The following SPATA31F1 variants were observed in gnomAD, a reference collection of about 807,000 sequenced individuals.
SPATA31F1 encodes protein SPATA31F1.
At chr9:34,728,796 G>T in the SPATA31F1 span, 1 of 800,344 alleles carries the variant, frequency 1.2e-6, no homozygotes, top group Non-Finnish European at 2.0e-6. Context: ...GACTTCCTTT[G>T]CCTATTCCAC....
chr9:34,727,069 C>G, the SPATA31F1 span: 2 of 1,480,212 alleles, frequency 1.4e-6, no homozygotes, highest in Non-Finnish European at 1.8e-6. Context: ...TGGGCACTCT[C>G]CTTTCCCAGT....
At chr9:34,728,501 T>C in the SPATA31F1 span, 5 of 1,044,986 alleles carry the variant, frequency 4.8e-6, no homozygotes, top group Non-Finnish European at 7.1e-6. Context: ...GGAACTGGAG[T>C]CTTCAGTGGC....
At chr9:34,723,421 G>A in the SPATA31F1 span, 1 of 1,551,758 alleles carries the variant, frequency 6.4e-7, no homozygotes, top group South Asian at 1.2e-5. Flanking sequence ...ATTGGGCCTT[G>A]GAGCACCCTG....
chr9:34,726,790 A>T, the SPATA31F1 span: 2 of 1,551,746 alleles, frequency 1.3e-6, no homozygotes, highest in East Asian at 2.4e-5. Flanking sequence ...CCAGACTCTG[A>T]TCTAAAGACA....
chr9:34,726,584 G>A, the SPATA31F1 span: 2 of 1,551,904 alleles, frequency 1.3e-6, no homozygotes, highest in South Asian at 1.2e-5. Flanking sequence ...AGAAGCTATG[G>A]TGTTTGGGCC....
chr9:34,726,704 T>G, the SPATA31F1 span: 3 of 1,551,666 alleles, frequency 1.9e-6, no homozygotes, highest in African/African-American at 2.7e-5. Flanking sequence ...GGTTAAAGAT[T>G]TCTGATCTGT....
At chr9:34,726,459 G>A in the SPATA31F1 span, 11,400 of 1,551,064 alleles carry the variant, frequency 7.3e-3, 705 homozygotes, top group African/African-American at 0.13. Flanking sequence ...TTCAGGGACA[G>A]CAAGGAGACC....
chr9:34,723,932 A>C, the SPATA31F1 span: 5 of 1,551,446 alleles, frequency 3.2e-6, no homozygotes, highest in Non-Finnish European at 4.4e-6. Flanking sequence ...AGCAAGATGA[A>C]AGCTACGGCT....
chr9:34,727,501 T>C, the SPATA31F1 span, among the ~76,000 whole-genome samples: 1 of 152,202 alleles, frequency 6.6e-6, no homozygotes, highest in African/African-American at 2.4e-5. Flanking sequence ...AGTCCTGTTC[T>C]CTAGAGCTCT....
the SPATA31F1 span, chr9:34,724,380 G>C: frequency 6.4e-7 from 1 of 1,550,682 alleles, no homozygotes; most frequent in East Asian, 2.4e-5. Flanking sequence ...TCTGGATTAG[G>C]GGCAGGAAGA....
the SPATA31F1 span, chr9:34,725,016 T>A: frequency 7.1e-6 from 11 of 1,551,916 alleles, no homozygotes; most frequent in African/African-American, 1.4e-5. Flanking sequence ...TCAAGGGCCG[T>A]TGGCATCCAG....
chr9:34,724,434 G>T, the SPATA31F1 span: 1 of 1,551,222 alleles, frequency 6.4e-7, no homozygotes, highest in Non-Finnish European at 8.7e-7. Context: ...GTCTCCCCTT[G>T]GTGGTTTAGA....
At chr9:34,723,296 G>A in the SPATA31F1 span, 1 of 1,551,694 alleles carries the variant, frequency 6.4e-7, no homozygotes, top group Admixed American at 2.0e-5. Flanking sequence ...GCAGTGGCGG[G>A]GGTAGCCCAG....
At chr9:34,727,214 T>C in the SPATA31F1 span, among the ~76,000 whole-genome samples, 3 of 152,346 alleles carry the variant, frequency 2.0e-5, no homozygotes, top group Non-Finnish European at 2.9e-5. Flanking sequence ...AGACAACCCA[T>C]GGGAGGGCAT....
chr9:34,729,080 A>G, the SPATA31F1 span, among the ~76,000 whole-genome samples: 1 of 152,336 alleles, frequency 6.6e-6, no homozygotes, highest in Non-Finnish European at 1.5e-5. Flanking sequence ...CAAACCAAAT[A>G]GAGAGGTTCT....
the SPATA31F1 span, among the ~76,000 whole-genome samples, chr9:34,728,972 A>T: frequency 0.19 from 28,982 of 152,150 alleles, 3,636 homozygotes; most frequent in Non-Finnish European, 0.28. Flanking sequence ...CAACCAAAGG[A>T]CTTCTGCTTA....
the SPATA31F1 span, chr9:34,728,114 T>C: frequency 6.5e-7 from 1 of 1,545,318 alleles, no homozygotes; most frequent in Non-Finnish European, 8.7e-7. Context: ...TTATATGGCA[T>C]GGGATAATTT....
At chr9:34,724,290 C>T in the SPATA31F1 span, 1 of 1,551,500 alleles carries the variant, frequency 6.4e-7, no homozygotes. Context: ...CCCTGGGGTA[C>T]AGCTTTGGAA....
the SPATA31F1 span, chr9:34,724,579 G>T: frequency 6.5e-7 from 1 of 1,540,206 alleles, no homozygotes. Flanking sequence ...GTTTGGTCAA[G>T]ATATGTGTCT....
Sources: gnomAD v4.1 joint callset for allele counts (sites outside exome capture counted in the v4.1 genomes callset) on GRCh38, gnomAD v4.1.1 for gene constraint, MANE v1.5 for transcripts, NCBI Gene and HGNC (gene_info 2026-07-23, HGNC 2026-07-21) for gene names.